The following ZXDC variants were observed in gnomAD, a reference collection of about 807,000 sequenced individuals.
ZXDC encodes zinc finger protein ZXDC.
In ZXDC, 58 loss-of-function variants were observed where a neutral mutation model predicts 63.6. The observed-to-expected ratio is 0.91, with a 90% confidence interval of 0.74 to 1.13. ZXDC has a LOEUF of 1.13. Among genes scored for constraint, ZXDC ranks in the 50% most tolerant of loss-of-function variants. ZXDC has a pLI of 0.00. For synonymous variants in ZXDC, 561 were observed against 496.1 expected (o/e 1.13, Z -1.74); for missense variants, 1,133 against 1,148.9 (o/e 0.99, Z 0.20).
chr3:126,472,619 A>G (rs1214629230), intron 1 of ZXDC, among the ~76,000 whole-genome samples: 1 of 152,158 alleles, frequency 6.6e-6, no homozygotes, highest in Non-Finnish European at 1.5e-5. Flanking sequence ...TCCTGCACAC[A>G]CACTGAGACC....
chr3:126,453,316 T>G, intron 7 of ZXDC: 1 of 985,438 alleles, frequency 1.0e-6, no homozygotes, highest in Non-Finnish European at 1.2e-6. Flanking sequence ...AATGAGGGCC[T>G]AGGGGCCATA....
rs1446969506 is a variant in ZXDC at position 126,472,217 on chromosome 3, A to G, written c.996T>C (p.Phe332=). The part of the protein sequence containing the change: ...FREQELFSCS[F]PGCSKQYDKA... Reference sequence around the variant, plus strand: ...TATCATACTGCTTGCTGCACCCAGGAAAGGAGCAGGAAAAGAGCTCTTGTT... The same window carrying G: ...TATCATACTGCTTGCTGCACCCAGGGAAGGAGCAGGAAAAGAGCTCTTGTT... Residue 332 remains phenylalanine, a synonymous_variant, in exon 2 of 10, where the codon TTT becomes TTC. Transcript: ENST00000389709. The G allele has an allele frequency of 6.2e-7, 1 of 1,613,652 alleles. No homozygotes were observed. The highest frequency in any genetic ancestry group is 1.3e-5 in the African/African-American group (1 of 75,062).
chr3:126,465,234 A>G (rs1226824028), intron 5 of ZXDC, among the ~76,000 whole-genome samples: 1 of 152,246 alleles, frequency 6.6e-6, no homozygotes, highest in Non-Finnish European at 1.5e-5. Flanking sequence ...CAACCGCACC[A>G]GGGCCCAGAG....
chr3:126,441,275 T>C (rs538389751), intron 8 of ZXDC: 33 of 986,960 alleles, frequency 3.3e-5, no homozygotes, highest in East Asian at 2.3e-4. Flanking sequence ...GGAAAGAAAA[T>C]AGAAAAACAC....
chr3:126,438,332 G>A lies in ZXDC; in HGVS notation c.*43C>T, dbSNP rs752688856. 1.1e-5 allele frequency: 17 copies of A among 1,544,056 alleles called. No individual in the cohort carries two copies. Among genetic ancestry groups the A allele is most frequent in the South Asian group, 3.5e-5 (3 of 86,170 alleles). ...ATGTCATGAGTCTCAGGGAAGGTGT[G>A]TCCTAGACCGTGGCCTTGGGCCTGC... On this transcript the variant is annotated 3_prime_UTR_variant, in exon 10 of 10. Coordinates refer to ENST00000389709, the MANE Select transcript of ZXDC (RefSeq NM_025112.5).
At position 126,459,129 on chromosome 3, in the gene ZXDC, T is replaced by C. The variant is rs575100902; in HGVS notation, c.2212+524A>G. 16 of 985,492 alleles carry C rather than the reference T, an allele frequency of 1.6e-5. No homozygotes were observed. In the African/African-American group the frequency reaches 1.9e-4, roughly 12 times the overall value. The allele number at this position is 985,492 out of a possible 1,614,324, so 61.0% of individuals were successfully genotyped here. A position where few individuals can be genotyped will look rare whatever the true frequency, so the allele number is the denominator to read the frequency against. ...CTATTCCATTTTTAGGAAGGACAGA[T>C]GCTTGAGGCCATAGGTTACCAGCTC... On this transcript the variant is annotated intron_variant, in intron 7 of 9. Transcript: ENST00000389709.
At chr3:126,445,586 T>TTA (rs1247670693) in intron 7 of ZXDC, among the ~76,000 whole-genome samples, 1 of 151,322 alleles carries the variant, frequency 6.6e-6, no homozygotes, top group Non-Finnish European at 1.5e-5. Flanking sequence ...AGCCTCCCCG[T>TTA]TTTTTGGCAA....
intron 8 of ZXDC, 56 bp downstream of exon 8, chr3:126,441,709 C>T: frequency 6.6e-7 from 1 of 1,511,538 alleles, no homozygotes; most frequent in South Asian, 1.3e-5. Context: ...CTGCTCAGAC[C>T]TGCGTGACCC....
At position 126,474,945 on chromosome 3, in the gene ZXDC, G is replaced by A. The variant is rs772372891; in HGVS notation, c.907+14C>T. 1.6e-5 allele frequency: 25 copies of A among 1,552,850 alleles called. No individual in the cohort carries two copies. In the East Asian group the frequency reaches 4.3e-4, roughly 27 times the overall value. On this transcript the variant is annotated intron_variant, in intron 1 of 9. Coordinates refer to ENST00000389709, the MANE Select transcript of ZXDC (RefSeq NM_025112.5). ...AACACCGCGCAGCCCGCCCGCCCCC[G>A]AGAGCGCGGTTACCGGGAAAGTCAC...
chr3:126,469,781 G>A (rs1378684235), intron 4 of ZXDC, among the ~76,000 whole-genome samples: 1 of 152,168 alleles, frequency 6.6e-6, no homozygotes, highest in African/African-American at 2.4e-5. Flanking sequence ...CGCCCCTGCA[G>A]CACCCTACAT....
intron 7 of ZXDC, among the ~76,000 whole-genome samples, chr3:126,446,095 A>G (rs184862947): frequency 6.6e-5 from 10 of 152,306 alleles, no homozygotes; most frequent in African/African-American, 2.4e-4. Flanking sequence ...CCTCTCTCAC[A>G]ATGGACAACC....
intron 7 of ZXDC, chr3:126,457,635 G>C: frequency 2.0e-6 from 2 of 985,444 alleles, no homozygotes; most frequent in Non-Finnish European, 2.4e-6. Flanking sequence ...AACTCACACA[G>C]ATTCAAACAT....
intron 6 of ZXDC, 100 bp from the exon 7 acceptor site, chr3:126,459,837 C>A: frequency 6.3e-7 from 1 of 1,593,636 alleles, no homozygotes; most frequent in Non-Finnish European, 8.6e-7. Context: ...GGGACATATC[C>A]GAGCTCCCAA....
Position 126,475,546 on chromosome 3 carries a change from C to A in ZXDC, c.320G>T (p.Arg107Leu). 7.3e-7 allele frequency: 1 copy of A among 1,367,080 alleles called. No individual in the cohort carries two copies. Among genetic ancestry groups the A allele is most frequent in the Non-Finnish European group, 9.4e-7 (1 of 1,058,778 alleles). The allele number at this position is 1,367,080 out of a possible 1,614,324, so 84.7% of individuals were successfully genotyped here. A position where few individuals can be genotyped will look rare whatever the true frequency, so the allele number is the denominator to read the frequency against. ...CGGGCCGCTGGGGCCCTGCTCGGGGCGGCTCGCCAGGTTGACACGGGAGCC... is the reference window on the plus strand; with the variant it reads ...CGGGCCGCTGGGGCCCTGCTCGGGGAGGCTCGCCAGGTTGACACGGGAGCC... ...EPGSRVNLAS[R>L]PEQGPSGPAA... Residue 107 changes from arginine (R) to leucine (L), a missense_variant, in exon 1 of 10, where the codon CGC (arginine) becomes CTC (leucine). Coordinates refer to ENST00000389709, the MANE Select transcript of ZXDC (RefSeq NM_025112.5).
intron 6 of ZXDC, chr3:126,460,938 A>G (rs1934503662): frequency 1.0e-6 from 1 of 984,640 alleles, no homozygotes; most frequent in Non-Finnish European, 1.2e-6. Context: ...CAGGAAAGTC[A>G]GACTATCTCC....
intron 4 of ZXDC, among the ~76,000 whole-genome samples, chr3:126,469,289 C>T (rs1934889853): frequency 6.6e-6 from 1 of 152,186 alleles, no homozygotes; most frequent in Non-Finnish European, 1.5e-5. Context: ...GTGCTGTCTG[C>T]TTCGCTCCCT....
chr3:126,457,903 AG>A (rs1934370277), intron 7 of ZXDC, among the ~76,000 whole-genome samples: 1 of 152,214 alleles, frequency 6.6e-6, no homozygotes, highest in South Asian at 2.1e-4. Context: ...TTTCAGGAAA[AG>A]AAAAAAAACG....
intron 8 of ZXDC, chr3:126,441,485 G>A: frequency 8.3e-7 from 1 of 1,207,858 alleles, no homozygotes; most frequent in Non-Finnish European, 1.0e-6. Context: ...GGGCTACTCT[G>A]GGGCTAGACG....
At chr3:126,459,106 A>C in intron 7 of ZXDC, 2 of 985,460 alleles carry the variant, frequency 2.0e-6, no homozygotes, top group African/African-American at 3.5e-5. Context: ...ACATCCCACT[A>C]TTCCATTTTT....
Sources: gnomAD v4.1 joint callset for allele counts (sites outside exome capture counted in the v4.1 genomes callset) on GRCh38, gnomAD v4.1.1 for gene constraint, MANE v1.5 for transcripts, NCBI Gene and HGNC (gene_info 2026-07-23, HGNC 2026-07-21) for gene names.